Variants in ARL15 observed in about 807,000 individuals in gnomAD.
The protein encoded by ARL15 is ADP-ribosylation factor-like protein 15.
Under a neutral mutation model 25.2 loss-of-function variants are expected in ARL15, and 19 were observed. The ratio of observed to expected loss-of-function variants is 0.75; its 90% CI spans 0.53 to 1.10. The LOEUF is 1.10. ARL15 is among the 50% of genes least tolerant of loss of function. The probability of loss-of-function intolerance (pLI) is 0.00; values close to 1 mark genes in which losing one functional copy is unlikely to be tolerated. For missense variants in ARL15, 220 were observed against 246.0 expected, an observed-to-expected ratio of 0.89 and a Z score of 0.71; for synonymous variants, 94 against 86.8, an observed-to-expected ratio of 1.08 and a Z score of -0.46.
rs183931828 is a variant in ARL15 at position 54,094,450 on chromosome 5, T to C, written c.462+18752A>G. On this transcript the variant is annotated intron_variant, in intron 4 of 4. Transcript: ENST00000504924. ...CAAAAAAAAAAAACCAGTAATGATATAGAGACTACACAAAGGTAAAATAAC... is the reference window on the plus strand; with the variant it reads ...CAAAAAAAAAAAACCAGTAATGATACAGAGACTACACAAAGGTAAAATAAC... Among the ~76,000 whole-genome samples the C allele has an allele frequency of 3.1e-4, 46 of 150,238 alleles. No homozygotes were observed. The East Asian group carries it at 8.4e-3, about 27-fold the overall frequency.
chr5:54,076,848 G>C (rs573560505), intron 4 of ARL15, among the ~76,000 whole-genome samples: 1 of 151,908 alleles, frequency 6.6e-6, no homozygotes, highest in Non-Finnish European at 1.5e-5. Context: ...AGACATCAGC[G>C]TTAATTCCTA....
At chr5:53,910,668 T>TATATATATATAC (rs1745430687) in intron 4 of ARL15, among the ~76,000 whole-genome samples, 1 of 127,674 alleles carries the variant, frequency 7.8e-6, no homozygotes, top group African/African-American at 2.9e-5. Flanking sequence ...TATATATATA[T>TATATATATATAC]ATATAAAGAA....
intron 4 of ARL15, among the ~76,000 whole-genome samples, chr5:53,930,885 T>C (rs1262469011): frequency 1.3e-5 from 2 of 152,204 alleles, no homozygotes; most frequent in African/African-American, 4.8e-5. Flanking sequence ...AAAGACTGTC[T>C]TACAGATTCT....
intron 4 of ARL15, among the ~76,000 whole-genome samples, chr5:54,075,074 A>G (rs992693167): frequency 2.9e-4 from 9 of 31,168 alleles, no homozygotes; most frequent in Admixed American, 9.9e-4. Flanking sequence ...AGAATACAGG[A>G]AAAAAAAAAA....
chr5:54,164,646 C>A (rs1754513939), intron 2 of ARL15, among the ~76,000 whole-genome samples: 1 of 152,000 alleles, frequency 6.6e-6, no homozygotes, highest in Non-Finnish European at 1.5e-5. Context: ...GCTCTGAAAT[C>A]TACATTGTCT....
intron 4 of ARL15, among the ~76,000 whole-genome samples, chr5:54,049,385 C>T (rs759733909): frequency 4.6e-5 from 7 of 151,988 alleles, no homozygotes; most frequent in Non-Finnish European, 1.0e-4. Context: ...GGACTGCAGG[C>T]ATGAGCCACC....
intron 3 of ARL15, among the ~76,000 whole-genome samples, chr5:54,114,909 T>C (rs1294724307): frequency 6.6e-6 from 1 of 152,242 alleles, no homozygotes; most frequent in African/African-American, 2.4e-5. Flanking sequence ...AACCAGTTAA[T>C]AACTGTATTT....
chr5:54,304,290 CA>C (rs1277325189), intron 1 of ARL15, among the ~76,000 whole-genome samples: 1 of 152,260 alleles, frequency 6.6e-6, no homozygotes, highest in African/African-American at 2.4e-5. Context: ...GGAAATTACA[CA>C]ACCTCCCTGA....
intron 4 of ARL15, among the ~76,000 whole-genome samples, chr5:54,014,006 G>A (rs2111799600): frequency 6.6e-6 from 1 of 152,248 alleles, no homozygotes; most frequent in South Asian, 2.1e-4. Flanking sequence ...TCTGCACAGT[G>A]GGTAAGAAGA....
In ARL15 at chr5:53,885,346, C is replaced by T. The variant is rs1348897700; in HGVS notation, c.*1215G>A. On this transcript the variant is annotated 3_prime_UTR_variant, in exon 5 of 5. Transcript: ENST00000504924. ...TTTAGAAAAGATCAAAGGTGCTAAA[C>T]CTTAGTAAAACTGTACATTTATCCC... The T allele has an allele frequency of 6.6e-6, 1 of 152,358 alleles. No homozygotes were observed. Among genetic ancestry groups the T allele is most frequent in the East Asian group, 1.9e-4 (1 of 5,184 alleles). The allele number at this position is 152,358 out of a possible 1,614,324, so 9.4% of individuals were successfully genotyped here.
intron 3 of ARL15, among the ~76,000 whole-genome samples, chr5:54,151,964 C>A (rs527305730): frequency 6.6e-6 from 1 of 152,178 alleles, no homozygotes; most frequent in South Asian, 2.1e-4. Flanking sequence ...CCTGAATTAA[C>A]CCCAGGATAA....
At chr5:54,211,467 CTTT>C (rs57554255) in intron 1 of ARL15, among the ~76,000 whole-genome samples, 3 of 119,602 alleles carry the variant, frequency 2.5e-5, no homozygotes, top group Admixed American at 9.2e-5. Context: ...AAATGAAACA[CTTT>C]TTTTTTTTTT....
At chr5:54,158,520 C>A (rs911232713) in intron 2 of ARL15, among the ~76,000 whole-genome samples, 10 of 152,196 alleles carry the variant, frequency 6.6e-5, no homozygotes, top group Admixed American at 2.6e-4. Flanking sequence ...GTATTAATAT[C>A]TATTTCCTAA....
intron 4 of ARL15, among the ~76,000 whole-genome samples, chr5:54,095,248 G>A (rs1752251049): frequency 6.6e-6 from 1 of 152,094 alleles, no homozygotes; most frequent in Admixed American, 6.5e-5. Context: ...CTAATGACAA[G>A]GCCGCCTTTT....
At chr5:54,240,869 AT>A (rs1234871735) in intron 1 of ARL15, among the ~76,000 whole-genome samples, 1 of 152,216 alleles carries the variant, frequency 6.6e-6, no homozygotes, top group Non-Finnish European at 1.5e-5. Flanking sequence ...GGGATTTCAG[AT>A]TTTTGAATTG....
rs114949038 is a variant in ARL15 at position 54,239,746 on chromosome 5, C to A, written c.49-67818G>T. Among the ~76,000 whole-genome samples, 223 of 152,240 alleles carry A rather than the reference C, an allele frequency of 1.5e-3. 2 individuals are homozygous for A. Among genetic ancestry groups the A allele is most frequent in the African/African-American group, 5.2e-3 (218 of 41,536 alleles). ...GAGTGATGGCTTTAGCTCAAATAAC[C>A]ATTTTGGACAATGATGTTTAAGCCA... On this transcript the variant is annotated intron_variant, in intron 1 of 4. Transcript: ENST00000504924.
At chr5:54,108,474 G>A (rs921803456) in intron 4 of ARL15, among the ~76,000 whole-genome samples, 123 of 152,180 alleles carry the variant, frequency 8.1e-4, no homozygotes, top group African/African-American at 2.8e-3. Flanking sequence ...TAGAGTATAT[G>A]ACACTTTCCA....
At chr5:54,238,429 G>T (rs187754614) in intron 1 of ARL15, among the ~76,000 whole-genome samples, 2 of 152,136 alleles carry the variant, frequency 1.3e-5, no homozygotes, top group African/African-American at 4.8e-5. Context: ...GGAAGCCGAC[G>T]GTGAGTGAAA....
intron 4 of ARL15, among the ~76,000 whole-genome samples, chr5:53,907,479 T>TATATATATAC (rs1554025278): frequency 8.5e-4 from 30 of 35,174 alleles, no homozygotes; most frequent in African/African-American, 3.2e-3. Flanking sequence ...TATATATATA[T>TATATATATAC]ATATATATAT....
Sources: gnomAD v4.1 joint callset for allele counts (sites outside exome capture counted in the v4.1 genomes callset) on GRCh38, gnomAD v4.1.1 for gene constraint, MANE v1.5 for transcripts, NCBI Gene and HGNC (gene_info 2026-07-23, HGNC 2026-07-21) for gene names.